The following MED15 variants were observed in gnomAD, a reference collection of about 807,000 sequenced individuals.
MED15 encodes the protein mediator of RNA polymerase II transcription subunit 15.
MED15 carries 41 observed loss-of-function variants against 118.7 expected under a neutral mutation model. The observed-to-expected ratio is 0.35, with a 90% CI of 0.27 to 0.45. The LOEUF (loss-of-function observed/expected upper bound fraction) is 0.45. Among genes scored for constraint, MED15 ranks in the 20% least tolerant of loss-of-function variants. MED15 has a pLI of 1.00. For missense variants in MED15, 740 were observed against 1,025.5 expected (o/e 0.72, Z 3.80); for synonymous variants, 436 against 413.9 (o/e 1.05, Z -0.65).
chr22:20,521,550 A>ATT (rs557681487), intron 1 of MED15, among the ~76,000 whole-genome samples: 1 of 130,600 alleles, frequency 7.7e-6, no homozygotes, highest in Admixed American at 7.9e-5. Context: ...CACCCGGCTA[A>ATT]TTTTTTTTTT....
At chr22:20,572,513 C>G (rs1004407611) in intron 8 of MED15, among the ~76,000 whole-genome samples, 18 of 152,266 alleles carry the variant, frequency 1.2e-4, no homozygotes, top group Non-Finnish European at 2.9e-5. Flanking sequence ...ATTGCTCAGC[C>G]TTGTGCTGTG....
chr22:20,511,024 G>A (rs1461289856), intron 1 of MED15, among the ~76,000 whole-genome samples: 1 of 151,966 alleles, frequency 6.6e-6, no homozygotes, highest in Non-Finnish European at 1.5e-5. Flanking sequence ...TTCTCTCTAG[G>A]GTTCACGTTG....
intron 14 of MED15, 172 bp from the exon 15 acceptor site, chr22:20,584,683 G>T (rs944111372): frequency 1.1e-6 from 1 of 933,660 alleles, no homozygotes. Flanking sequence ...GATAGGCTGT[G>T]GGGGTGGGGG....
intron 1 of MED15, among the ~76,000 whole-genome samples, chr22:20,527,810 A>T (rs1601482473): frequency 6.6e-6 from 1 of 152,014 alleles, no homozygotes; most frequent in Non-Finnish European, 1.5e-5. Flanking sequence ...ATCAAAAATT[A>T]GCTGGGCATG....
rs1387304936 is a variant in MED15, at chr22:20,568,649, G to T, written c.1152+18G>T. ...GAGTCCAGGTGAGGGCCTGGGGGTGGAGGGCTCCATAGTCATCAGCAGGTG... is the reference window on the plus strand; with the variant it reads ...GAGTCCAGGTGAGGGCCTGGGGGTGTAGGGCTCCATAGTCATCAGCAGGTG... On this transcript the variant is annotated intron_variant, in intron 8 of 17. Transcript: ENST00000263205. The T allele has an allele frequency of 3.1e-6, 5 of 1,610,190 alleles. No individual in the cohort carries two copies. Among genetic ancestry groups the T allele is most frequent in the Non-Finnish European group, 4.2e-6 (5 of 1,178,654 alleles).
chr22:20,525,970 T>C (rs2054631356), intron 1 of MED15, among the ~76,000 whole-genome samples: 1 of 151,870 alleles, frequency 6.6e-6, no homozygotes. Context: ...ACCCAGGCTG[T>C]AGTGTAGTGG....
chr22:20,580,334 T>G (rs1272520352), intron 9 of MED15, among the ~76,000 whole-genome samples: 1 of 152,186 alleles, frequency 6.6e-6, no homozygotes, highest in African/African-American at 2.4e-5. Context: ...TGTGGTGGCC[T>G]TCTCTGCTTG....
At chr22:20,566,944 C>A in intron 7 of MED15, 127 bp downstream of exon 7, 2 of 1,483,064 alleles carry the variant, frequency 1.3e-6, no homozygotes, top group Non-Finnish European at 1.8e-6. Context: ...CAGCCCCCAC[C>A]CCTTGCCAGC....
At chr22:20,584,491 T>C in intron 14 of MED15, 66 bp downstream of exon 14, 1 of 1,549,102 alleles carries the variant, frequency 6.5e-7, no homozygotes, top group Non-Finnish European at 8.9e-7. Context: ...GGAGTGCTGC[T>C]GAGAGGGCCT....
intron 1 of MED15, among the ~76,000 whole-genome samples, chr22:20,518,694 A>G (rs773799605): frequency 9.9e-5 from 15 of 152,250 alleles, no homozygotes; most frequent in Non-Finnish European, 2.2e-4. Context: ...TAGATGAAGT[A>G]CATAATAATT....
intron 4 of MED15, chr22:20,554,552 T>C (rs2055913774): frequency 5.9e-6 from 1 of 168,928 alleles, no homozygotes; most frequent in Admixed American, 6.2e-5. Context: ...TGTTACCGCT[T>C]GCTCAGAAGG....
At position 20,582,695 on chromosome 22, in the gene MED15, C is replaced by G. The variant is rs757623393; in HGVS notation, c.1357C>G (p.Gln453Glu). 1.1e-5 allele frequency: 18 copies of G among 1,597,584 alleles called. No homozygotes were observed. The highest frequency in any genetic ancestry group is 1.0e-4 in the Admixed American group (6 of 59,790). The change falls in exon 10 of 18, where the codon CAG becomes GAG. Residue 453 changes from glutamine to glutamate, a missense_variant. Around this residue, in one of 7 missense-constraint regions of MED15, gnomAD observed 384 missense variants for 506.3 expected, o/e 0.76. Transcript: ENST00000263205. ...CCCGCAGTCGATGCCCCCTCCCCCCCAGCCGTCCCCGCAGCCCGGCCAGCC... is the reference window on the plus strand; with the variant it reads ...CCCGCAGTCGATGCCCCCTCCCCCCGAGCCGTCCCCGCAGCCCGGCCAGCC... ...QTPQSMPPPP[Q>E]PSPQPGQPSS...
intron 7 of MED15, among the ~76,000 whole-genome samples, chr22:20,568,198 G>A (rs1018224069): frequency 6.6e-6 from 1 of 152,172 alleles, no homozygotes; most frequent in Admixed American, 6.5e-5. Context: ...TGAAGCTCTT[G>A]TGGACCATCA....
chr22:20,535,794 C>G (rs942397789), intron 1 of MED15, among the ~76,000 whole-genome samples: 1 of 151,198 alleles, frequency 6.6e-6, no homozygotes, highest in African/African-American at 2.4e-5. Flanking sequence ...CGCCTGACCT[C>G]GTGATCTGCC....
intron 9 of MED15, 39 bp downstream of exon 9, chr22:20,575,271 C>CG (rs1569242104): frequency 6.2e-7 from 1 of 1,605,558 alleles, no homozygotes; most frequent in South Asian, 1.1e-5. Flanking sequence ...GCTGGGAGCT[C>CG]GGGGCGTCCT....
intron 9 of MED15, among the ~76,000 whole-genome samples, chr22:20,581,309 A>T (rs1601641018): frequency 1.3e-5 from 2 of 152,260 alleles, no homozygotes; most frequent in East Asian, 3.9e-4. Flanking sequence ...GGTGGTGAGG[A>T]GGGCAGCATT....
At position 20,507,634 on chromosome 22, in the gene MED15, G is replaced by C; in HGVS notation, c.-45G>C. 1 of 1,612,406 alleles carries C rather than the reference G, an allele frequency of 6.2e-7. No individual in the cohort carries two copies. On this transcript the variant is annotated 5_prime_UTR_variant, in exon 1 of 18. Transcript: ENST00000263205. ...TGGCTCTGTGACTGAGGCGGCGGCG[G>C]TGGCGGCCAAGCGGGATACGGGCGG...
At chr22:20,546,572 A>G (rs1312982228) in intron 2 of MED15, among the ~76,000 whole-genome samples, 1 of 142,926 alleles carries the variant, frequency 7.0e-6, no homozygotes, top group Admixed American at 7.2e-5. Context: ...GATTGTTTGA[A>G]ACCCTGTGTG....
intron 8 of MED15, among the ~76,000 whole-genome samples, chr22:20,571,237 T>C (rs752479412): frequency 2.6e-5 from 4 of 152,242 alleles, no homozygotes; most frequent in Non-Finnish European, 5.9e-5. Flanking sequence ...ATGCCAGCTG[T>C]GTGTGCTCAT....
Sources: gnomAD v4.1 joint callset for allele counts (sites outside exome capture counted in the v4.1 genomes callset) on GRCh38, gnomAD v4.1.1 for gene constraint, gnomAD v4.1.1 regional missense constraint, MANE v1.5 for transcripts, NCBI Gene and HGNC (gene_info 2026-07-23, HGNC 2026-07-21) for gene names.